SCAI: variants seen among roughly 807,000 people sequenced by gnomAD.
SCAI encodes suppressor of cancer cell invasion.
A neutral mutation model predicts 92.2 loss-of-function variants in SCAI; 24 were observed. The ratio of observed to expected loss-of-function variants is 0.26; its 90% confidence interval spans 0.19 to 0.37. SCAI has a LOEUF of 0.37. SCAI is among the 10% of genes least tolerant of loss of function. The pLI, the probability that SCAI is intolerant of heterozygous loss-of-function variation, is 1.00. For missense variants in SCAI, 450 were observed against 736.2 expected (o/e 0.61, Z 4.50); for synonymous variants, 261 against 258.6 (o/e 1.01, Z -0.09).
chr9:125,143,213 G>A (rs1391799577), intron 1 of SCAI, among the ~76,000 whole-genome samples, 172 bp downstream of exon 1: 6 of 150,072 alleles, frequency 4.0e-5, no homozygotes, highest in Non-Finnish European at 7.4e-5. Context: ...GGAGGCGATC[G>A]CGCCCAGCCC....
At chr9:124,978,823 AAG>A (rs1286993675) in intron 14 of SCAI, among the ~76,000 whole-genome samples, 8 of 152,158 alleles carry the variant, frequency 5.3e-5, no homozygotes, top group Non-Finnish European at 1.2e-4. Context: ...AAAAAGAACA[AAG>A]AAGTTCTTTA....
At position 125,108,155 on chromosome 9, in the gene SCAI, G is replaced by A. The variant is rs1323413397; in HGVS notation, c.98+34478C>T. Among the ~76,000 whole-genome samples, 5 of 152,184 alleles carry A rather than the reference G, an allele frequency of 3.3e-5. No homozygotes were observed. The East Asian group carries it at 9.6e-4, about 29-fold the overall frequency. ...AGTGCTCAATGTTGCCCAGGCTGGA[G>A]TGCAGTGGCGTGATCTCAGCTCGCT... is the stretch of plus-strand genomic sequence containing the variant. On this transcript the variant is annotated intron_variant, in intron 2 of 17. Transcript: ENST00000336505.
At chr9:125,079,424 T>C (rs144628613) in intron 2 of SCAI, among the ~76,000 whole-genome samples, 124 of 152,338 alleles carry the variant, frequency 8.1e-4, no homozygotes, top group African/African-American at 2.9e-3. Context: ...CTGCGTATAA[T>C]TGAAAAGGCT....
chr9:125,063,108 C>CG (rs1340718417), intron 2 of SCAI, among the ~76,000 whole-genome samples: 2 of 150,422 alleles, frequency 1.3e-5, no homozygotes, highest in Non-Finnish European at 3.0e-5. Context: ...CCCCACCCCC[C>CG]CCAGAAAAGG....
intron 2 of SCAI, among the ~76,000 whole-genome samples, chr9:125,125,353 A>T (rs1159154276): frequency 6.6e-6 from 1 of 152,082 alleles, no homozygotes; most frequent in Non-Finnish European, 1.5e-5. Context: ...ACATGGTGAA[A>T]CCCTGTCTCT....
intron 9 of SCAI, among the ~76,000 whole-genome samples, chr9:125,004,977 G>A (rs908795805): frequency 6.7e-6 from 1 of 150,054 alleles, no homozygotes; most frequent in African/African-American, 2.4e-5. Flanking sequence ...TAGTAGAGAT[G>A]GGGTTTCTCC....
intron 9 of SCAI, among the ~76,000 whole-genome samples, chr9:125,008,276 C>T (rs966192886): frequency 3.5e-4 from 53 of 152,240 alleles, no homozygotes; most frequent in Non-Finnish European, 5.0e-4. Context: ...TCCCAAGTAG[C>T]TGGGATCAAA....
At chr9:124,993,447 G>A (rs774782550) in intron 14 of SCAI, among the ~76,000 whole-genome samples, 27 of 152,092 alleles carry the variant, frequency 1.8e-4, no homozygotes, top group Non-Finnish European at 3.4e-4. Context: ...AAAATTAGCC[G>A]GGCATAGTGG....
rs941849008 is a variant in SCAI at position 124,947,490 on chromosome 9, T to C, written c.*5317A>G. On this transcript the variant is annotated 3_prime_UTR_variant, in exon 18 of 18. Transcript: ENST00000336505. Reference sequence around the variant, plus strand: ...ACAAGCCTCTCAAAATAGAGGCTTATGAATGAGATACAGCCACAACCTAAT... The same window carrying C: ...ACAAGCCTCTCAAAATAGAGGCTTACGAATGAGATACAGCCACAACCTAAT... The C allele has an allele frequency of 1.3e-5, 2 of 152,168 alleles. No homozygotes were observed. The highest frequency in any genetic ancestry group is 1.5e-5 in the Non-Finnish European group (1 of 68,026). The allele number at this position is 152,168 out of a possible 1,614,324, so 9.4% of individuals were successfully genotyped here.
At chr9:125,018,740 C>A in intron 9 of SCAI, 59 bp downstream of exon 9, 1 of 1,383,640 alleles carries the variant, frequency 7.2e-7, no homozygotes, top group Non-Finnish European at 1.0e-6. Context: ...ATTCTGTGAT[C>A]ATCAATAGCA....
chr9:125,119,578 G>A (rs1835117382), intron 2 of SCAI, among the ~76,000 whole-genome samples: 1 of 152,158 alleles, frequency 6.6e-6, no homozygotes, highest in African/African-American at 2.4e-5. Flanking sequence ...TCTTGTTCTT[G>A]TTCTTACAGT....
chr9:125,142,707 A>G (rs1835696922), intron 1 of SCAI, 30 bp from the exon 2 acceptor site: 1 of 1,600,542 alleles, frequency 6.2e-7, no homozygotes. Flanking sequence ...GACGGTAACT[A>G]AAAGTAACAT....
At chr9:125,082,031 T>C (rs374326266) in intron 2 of SCAI, among the ~76,000 whole-genome samples, 4 of 152,126 alleles carry the variant, frequency 2.6e-5, no homozygotes, top group Admixed American at 6.5e-5. Flanking sequence ...CCCAAGACTA[T>C]GGAAAAAATG....
At position 124,951,205 on chromosome 9, in the gene SCAI, A is replaced by T. The variant is rs1307711058; in HGVS notation, c.*1602T>A. 2 of 151,430 alleles carry T rather than the reference A, an allele frequency of 1.3e-5. No individual in the cohort carries two copies. The highest frequency in any genetic ancestry group is 1.3e-4 in the Admixed American group (2 of 15,168). 9.4% of individuals were successfully genotyped at this position (151,430 alleles called of 1,614,324 possible). Reference sequence around the variant, plus strand: ...CAAATTAGTCTCTATGCCAGAAATGAAAACCAAGTTAAAAATAATAGCCAG... The same window carrying T: ...CAAATTAGTCTCTATGCCAGAAATGTAAACCAAGTTAAAAATAATAGCCAG... On this transcript the variant is annotated 3_prime_UTR_variant, in exon 18 of 18. Coordinates refer to ENST00000336505, the MANE Select transcript of SCAI (RefSeq NM_001144877.3).
chr9:125,085,886 AG>A, intron 2 of SCAI, among the ~76,000 whole-genome samples: 1 of 152,344 alleles, frequency 6.6e-6, no homozygotes, highest in African/African-American at 2.4e-5. Context: ...CTGCTGACTG[AG>A]GATTCCTCCC....
At position 125,143,497 on chromosome 9, in the gene SCAI, G is replaced by C; in HGVS notation, c.-60C>G. ...GGCCGCAGGGCTCGCTCGGGAAGCT[G>C]AGGCGGCGGAGGCTGGAGTAGGCGG... is the stretch of plus-strand genomic sequence containing the variant. On this transcript the variant is annotated 5_prime_UTR_variant, in exon 1 of 18. Transcript: ENST00000336505. 1 of 1,289,304 alleles carries C rather than the reference G, an allele frequency of 7.8e-7. No homozygotes were observed. Among genetic ancestry groups the C allele is most frequent in the Non-Finnish European group, 9.9e-7 (1 of 1,012,152 alleles). The allele number at this position is 1,289,304 out of a possible 1,614,324, so 79.9% of individuals were successfully genotyped here.
At chr9:125,003,250 G>C in intron 10 of SCAI, 35 bp from the exon 11 acceptor site, 5 of 1,490,420 alleles carry the variant, frequency 3.4e-6, no homozygotes, top group Non-Finnish European at 4.7e-6. Context: ...ATACATAAAA[G>C]CTGCATTTGA....
intron 2 of SCAI, among the ~76,000 whole-genome samples, chr9:125,127,320 G>A (rs1358733669): frequency 2.6e-5 from 4 of 152,146 alleles, no homozygotes; most frequent in Non-Finnish European, 5.9e-5. Flanking sequence ...TAACTCTAAG[G>A]AGGGGTGGAT....
intron 17 of SCAI, among the ~76,000 whole-genome samples, chr9:124,964,428 G>A (rs1831500562): frequency 6.6e-6 from 1 of 152,168 alleles, no homozygotes. Flanking sequence ...TCTAGACACA[G>A]TTTTCTCCAG....
Sources: allele counts gnomAD v4.1 joint callset (sites outside exome capture counted in the v4.1 genomes callset), GRCh38; gene constraint gnomAD v4.1.1; transcripts MANE v1.5; gene names NCBI Gene and HGNC (gene_info 2026-07-23, HGNC 2026-07-21).